Variants in NPL observed in about 807,000 individuals in gnomAD.
NPL encodes the protein N-acetylneuraminate pyruvate lyase, also known as N-acetylneuraminate lyase.
NPL carries 32 observed loss-of-function variants against 41.1 expected under a neutral mutation model. That is an observed-to-expected ratio of 0.78 (90% CI 0.59 to 1.05). The LOEUF (loss-of-function observed/expected upper bound fraction) is 1.05, where lower values mean the gene tolerates loss of function less well. Among genes scored for constraint, NPL ranks in the 50% least tolerant of loss-of-function variants. NPL has a pLI of 0.00. For missense variants in NPL, 321 were observed against 378.4 expected, an observed-to-expected ratio of 0.85 and a Z score of 1.26; for synonymous variants, 128 against 134.9, an observed-to-expected ratio of 0.95 and a Z score of 0.35.
At chr1:182,825,179 A>G (rs1329145314) in intron 11 of NPL, among the ~76,000 whole-genome samples, 1 of 152,234 alleles carries the variant, frequency 6.6e-6, no homozygotes, top group East Asian at 1.9e-4. Context: ...TCTCTTTATC[A>G]ATACCAATAC....
At chr1:182,795,663 A>T (rs1223336117) in intron 3 of NPL, 1 of 152,198 alleles carries the variant, frequency 6.6e-6, no homozygotes, top group Non-Finnish European at 1.5e-5. Flanking sequence ...ATTCTTGCTG[A>T]TACGGCATTT....
rs188509072 is a variant in NPL at position 182,822,927 on chromosome 1, T to C, written c.738+728T>C. 4.5e-4 allele frequency among the ~76,000 whole-genome samples: 69 copies of C among 152,322 alleles called. No homozygotes were observed. The East Asian group carries it at 0.011, about 25-fold the overall frequency. ...TGTTGCCCAGGCTGGAGTGCAGCGA[T>C]GTGATCATAGCTCACTGCAGCCTTG... On this transcript the variant is annotated intron_variant, in intron 11 of 12. Transcript: ENST00000367553.
In NPL at chr1:182,794,246, T is replaced by C. The variant is rs188060114; in HGVS notation, c.-16-110T>C. The C allele has an allele frequency of 5.4e-6, 5 of 931,162 alleles. No individual in the cohort carries two copies. In the East Asian group the frequency reaches 1.2e-4, roughly 22 times the overall value. The allele number at this position is 931,162 out of a possible 1,614,324, so 57.7% of individuals were successfully genotyped here. ...ATCTTGTACTTGCTCTGTGTGTTTG[T>C]GTACTTGTAAGCACATTTTACAGTT... On this transcript the variant is annotated intron_variant, in intron 2 of 12. Coordinates refer to ENST00000367553, the MANE Select transcript of NPL (RefSeq NM_030769.3).
In NPL at chr1:182,828,192, A is replaced by G. The variant is rs1206741971; in HGVS notation, c.779-532A>G. 6.6e-6 allele frequency among the ~76,000 whole-genome samples: 1 copy of G among 152,164 alleles called. No individual in the cohort carries two copies. On this transcript the variant is annotated intron_variant, in intron 12 of 12. Coordinates refer to ENST00000367553, the MANE Select transcript of NPL (RefSeq NM_030769.3). The surrounding 1 kb of genome is among the most constrained non-coding windows in gnomAD (Gnocchi z 4.0). ...GTTTAATTCCAGCTTCTCACCATGCATAGATCTAAGGCTTCATTTTCCATT... is the reference window on the plus strand; with the variant it reads ...GTTTAATTCCAGCTTCTCACCATGCGTAGATCTAAGGCTTCATTTTCCATT...
chr1:182,806,275 T>C, intron 5 of NPL, 43 bp downstream of exon 5: 1 of 1,612,946 alleles, frequency 6.2e-7, no homozygotes, highest in South Asian at 1.1e-5. Flanking sequence ...TGGCAACAGC[T>C]GTATTCAGTG....
intron 3 of NPL, among the ~76,000 whole-genome samples, chr1:182,796,295 A>G (rs1164238961): frequency 6.6e-6 from 1 of 151,964 alleles, no homozygotes; most frequent in Non-Finnish European, 1.5e-5. Flanking sequence ...CACCTGCTTC[A>G]TCAAACATTC....
At chr1:182,818,742 G>A in intron 9 of NPL, 53 bp downstream of exon 9, 3 of 1,613,974 alleles carry the variant, frequency 1.9e-6, no homozygotes, top group Non-Finnish European at 2.5e-6. Context: ...AAAACAATTT[G>A]TGTAGCTATA....
At chr1:182,824,582 G>A (rs780473383) in intron 11 of NPL, among the ~76,000 whole-genome samples, 2 of 152,148 alleles carry the variant, frequency 1.3e-5, no homozygotes, top group African/African-American at 4.8e-5. Flanking sequence ...CGGATCATGA[G>A]GTCAGGAGAT....
intron 5 of NPL, among the ~76,000 whole-genome samples, chr1:182,811,583 T>G (rs547566426): frequency 6.6e-6 from 1 of 152,326 alleles, no homozygotes; most frequent in Admixed American, 6.5e-5. Context: ...GTGTTTTTTG[T>G]AAGCATGTAT....
chr1:182,802,395 A>C (rs1484108499), intron 3 of NPL, among the ~76,000 whole-genome samples: 1 of 152,086 alleles, frequency 6.6e-6, no homozygotes. Flanking sequence ...GCTGTTCTCT[A>C]TCTTTCCTCA....
chr1:182,791,290 C>G (rs1389187750), intron 1 of NPL: 2 of 151,988 alleles, frequency 1.3e-5, no homozygotes, highest in African/African-American at 2.4e-5. Flanking sequence ...AAAAGTTGAT[C>G]AGACCGAAGA....
chr1:182,803,537 G>GA (rs79268535), intron 3 of NPL, among the ~76,000 whole-genome samples, 161 bp from the exon 4 acceptor site: 13,938 of 152,040 alleles, frequency 0.092, 922 homozygotes, highest in African/African-American at 0.18. Context: ...TTCAGGGGGG[G>GA]AAAAAAACCC....
At position 182,829,732 on chromosome 1, in the gene NPL, C is replaced by A; in HGVS notation, c.*824C>A. On this transcript the variant is annotated 3_prime_UTR_variant, in exon 13 of 13. Coordinates refer to ENST00000367553, the MANE Select transcript of NPL (RefSeq NM_030769.3). Reference sequence around the variant, plus strand: ...AATTATTGAAATCGAAGGCTGACTTCCTTTCTGCAGTGAGCCCAGGGGCTA... The same window carrying A: ...AATTATTGAAATCGAAGGCTGACTTACTTTCTGCAGTGAGCCCAGGGGCTA... 1 of 1,159,006 alleles carries A rather than the reference C, an allele frequency of 8.6e-7. No homozygotes were observed. Among genetic ancestry groups the A allele is most frequent in the Non-Finnish European group, 1.3e-6 (1 of 791,174 alleles). The allele number at this position is 1,159,006 out of a possible 1,614,324, so 71.8% of individuals were successfully genotyped here.
chr1:182,800,564 G>T (rs980543718), intron 3 of NPL, among the ~76,000 whole-genome samples: 3 of 150,996 alleles, frequency 2.0e-5, no homozygotes, highest in Admixed American at 1.3e-4. Flanking sequence ...CCCCACTTGT[G>T]CCTGGAGCTG....
intron 5 of NPL, 38 bp from the exon 6 acceptor site, chr1:182,812,118 A>G (rs1359713033): frequency 1.2e-6 from 2 of 1,610,584 alleles, no homozygotes; most frequent in African/African-American, 1.3e-5. Flanking sequence ...GCATGCCTCT[A>G]AACTCTAAGC....
In NPL at chr1:182,825,839, C is replaced by G. The variant is rs777672698; in HGVS notation, c.778+19C>G. 2.2e-5 allele frequency: 35 copies of G among 1,578,074 alleles called. No individual in the cohort carries two copies. In the South Asian group the frequency reaches 3.3e-4, roughly 15 times the overall value. On this transcript the variant is annotated intron_variant, in intron 12 of 12. Coordinates refer to ENST00000367553, the MANE Select transcript of NPL (RefSeq NM_030769.3). ...AAACTAGGTAAGTGCCACCCATCTT[C>G]TGCTTTGTCTGCTGCTGGAGACTGT...
intron 12 of NPL, chr1:182,826,907 C>A (rs1667645851): frequency 6.6e-6 from 1 of 152,140 alleles, no homozygotes; most frequent in Non-Finnish European, 1.5e-5. Flanking sequence ...CCTGTACATG[C>A]ATACCTATGG....
intron 3 of NPL, among the ~76,000 whole-genome samples, chr1:182,798,488 A>G (rs995452630): frequency 3.9e-5 from 6 of 152,084 alleles, no homozygotes; most frequent in Non-Finnish European, 8.8e-5. Context: ...TCGGCCTCCC[A>G]AGGTGCTGGG....
chr1:182,798,318 C>G (rs1469277349), intron 3 of NPL, among the ~76,000 whole-genome samples: 2 of 151,398 alleles, frequency 1.3e-5, no homozygotes, highest in African/African-American at 4.9e-5. Context: ...ACATCCCCCT[C>G]CCAAGCTCAA....
Sources: gnomAD v4.1 joint callset for allele counts (sites outside exome capture counted in the v4.1 genomes callset) on GRCh38, gnomAD v4.1.1 for gene constraint, Gnocchi (gnomAD v3.1) non-coding constraint, MANE v1.5 for transcripts, NCBI Gene and HGNC (gene_info 2026-07-23, HGNC 2026-07-21) for gene names.